The following AGRN variants were observed in gnomAD, a reference collection of about 807,000 sequenced individuals.
The protein encoded by AGRN is agrin.
In AGRN, 106 loss-of-function variants were observed where a neutral mutation model predicts 211.0. The observed-to-expected ratio is 0.50, with a 90% CI of 0.43 to 0.59. The LOEUF (loss-of-function observed/expected upper bound fraction) is 0.59. Among genes scored for constraint, AGRN ranks in the 20% least tolerant of loss-of-function variants. AGRN has a pLI of 0.00. For synonymous variants in AGRN, 1,525 were observed against 1,332.5 expected, an observed-to-expected ratio of 1.14 and a Z score of -3.15; for missense variants, 3,040 against 2,982.6, an observed-to-expected ratio of 1.02 and a Z score of -0.45.
chr1:1,033,377 G>A (rs1448642394), intron 2 of AGRN, among the ~76,000 whole-genome samples: 3 of 151,678 alleles, frequency 2.0e-5, no homozygotes, highest in Non-Finnish European at 4.4e-5. Flanking sequence ...ACGACGACGC[G>A]CACACGCGGT....
intron 12 of AGRN, 95 bp downstream of exon 12, chr1:1,044,534 C>A: frequency 7.8e-7 from 1 of 1,281,268 alleles, no homozygotes. Flanking sequence ...GCGTTGGGCC[C>A]CTGTGGACGT....
chr1:1,049,113 GGC>G lies in AGRN; in HGVS notation c.4298+56_4298+57del, dbSNP rs567082250. 0.098 allele frequency: 94,340 copies of G among 961,182 alleles called. 10,833 individuals carry two copies. The highest frequency in any genetic ancestry group is 0.35 in the African/African-American group (11,245 of 32,520). The allele number at this position is 961,182 out of a possible 1,614,324, so 59.5% of individuals were successfully genotyped here. A position where few individuals can be genotyped will look rare whatever the true frequency, so the allele number is the denominator to read the frequency against. ...AGCTCAGGTGGGCGGGGAGGGGACG[GGC>G]GGGGGAGGGGGGGCCGGGGCAGCTC... On this transcript the variant is annotated intron_variant, in intron 24 of 35. Coordinates refer to ENST00000379370, the MANE Select transcript of AGRN (RefSeq NM_198576.4).
intron 19 of AGRN, 154 bp from the exon 20 acceptor site, chr1:1,047,173 C>G (rs1038763376): frequency 2.2e-6 from 3 of 1,381,398 alleles, no homozygotes; most frequent in East Asian, 2.5e-5. Flanking sequence ...GTAACCGACA[C>G]CAGCCCCACC....
Position 1,050,415 on chromosome 1 carries a change from C to T in AGRN, c.4977-12C>T. The T allele has an allele frequency of 1.2e-6, 2 of 1,612,826 alleles. No individual in the cohort carries two copies. Among genetic ancestry groups the T allele is most frequent in the Non-Finnish European group, 1.7e-6 (2 of 1,179,866 alleles). On this transcript the variant is annotated splice_polypyrimidine_tract_variant and intron_variant, in intron 28 of 35. Coordinates refer to ENST00000379370, the MANE Select transcript of AGRN (RefSeq NM_198576.4). ...GGGACAGCAAAGACACCCCGACTCCCCATGACCCCAGGGAGAAGATGGCGC... is the reference window on the plus strand; with the variant it reads ...GGGACAGCAAAGACACCCCGACTCCTCATGACCCCAGGGAGAAGATGGCGC...
At chr1:1,023,299 G>A (rs555586654) in intron 2 of AGRN, among the ~76,000 whole-genome samples, 10 of 152,200 alleles carry the variant, frequency 6.6e-5, no homozygotes, top group Non-Finnish European at 1.3e-4. Context: ...GGGTCCTTGT[G>A]GGGTCCTGGA....
Position 1,048,690 on chromosome 1 carries a change from C to G in AGRN, c.4106-177C>G. 1.3e-6 allele frequency: 1 copy of G among 756,918 alleles called. No individual in the cohort carries two copies. Among genetic ancestry groups the G allele is most frequent in the South Asian group, 1.9e-5 (1 of 51,860 alleles). The allele number at this position is 756,918 out of a possible 1,614,324, so 46.9% of individuals were successfully genotyped here. A position where few individuals can be genotyped will look rare whatever the true frequency, so the allele number is the denominator to read the frequency against. On this transcript the variant is annotated intron_variant, in intron 23 of 35. Coordinates refer to ENST00000379370, the MANE Select transcript of AGRN (RefSeq NM_198576.4). This position sits in a 1 kb window ranked among gnomAD's most constrained non-coding sequence, Gnocchi z 5.9. ...GCTGAGGCAGGAGAATCGCTTGAACCTGGCAGGCGGAGGTTGCGGTGAGCC... is the reference window on the plus strand; with the variant it reads ...GCTGAGGCAGGAGAATCGCTTGAACGTGGCAGGCGGAGGTTGCGGTGAGCC...
At chr1:1,021,546 G>A (rs1301429760) in intron 1 of AGRN, among the ~76,000 whole-genome samples, 1 of 152,244 alleles carries the variant, frequency 6.6e-6, no homozygotes, top group Non-Finnish European at 1.5e-5. Flanking sequence ...GTTCTCAGGG[G>A]AGTGCGTGAG....
At chr1:1,052,335 T>A in intron 33 of AGRN, 2 of 347,474 alleles carry the variant, frequency 5.8e-6, no homozygotes, top group South Asian at 4.2e-5. Context: ...TGTCTATGTA[T>A]ATGGAGTGGA....
At chr1:1,052,047 C>T (rs1412246301) in intron 33 of AGRN, 4 of 1,496,038 alleles carry the variant, frequency 2.7e-6, no homozygotes, top group African/African-American at 1.4e-5. Context: ...CCCGCTCCCT[C>T]TCACTCCCAC....
In AGRN at chr1:1,041,183, C is replaced by T. The variant is rs536085218; in HGVS notation, c.738C>T (p.Asp246=). The change falls in exon 5 of 36, where the codon GAC becomes GAT. Residue 246 remains aspartate, a synonymous_variant. Coordinates refer to ENST00000379370, the MANE Select transcript of AGRN (RefSeq NM_198576.4). ...LLSRGPCGSR[D]PCSNVTCSFG... ...AAGCCCCGCCCGCAGGCTCGCGGGA[C>T]CCCTGCTCCAACGTGACCTGCAGCT... 1,509 of 1,438,034 alleles carry T rather than the reference C, an allele frequency of 1.0e-3. 28 individuals are homozygous for T. In the African/African-American group the frequency reaches 0.02, roughly 19 times the overall value. 89.1% of individuals were successfully genotyped at this position (1,438,034 alleles called of 1,614,324 possible). A position where few individuals can be genotyped will look rare whatever the true frequency, so the allele number is the denominator to read the frequency against.
In AGRN at chr1:1,048,202, C is replaced by T; in HGVS notation, c.3942C>T (p.Ala1314=). The T allele has an allele frequency of 6.4e-7, 1 of 1,561,268 alleles. No individual in the cohort carries two copies. The highest frequency in any genetic ancestry group is 1.2e-5 in the South Asian group (1 of 85,298). The part of the protein sequence containing the change: ...APTTRRPPTT[A]PSRVPGRRPP... ...CCACACGTCGGCCCCCCACCACTGC[C>T]CCCAGCCGTGTGCCCGGACGTCGGC... Residue 1314 remains alanine, a synonymous_variant, in exon 23 of 36, where the codon GCC becomes GCT. Transcript: ENST00000379370. The surrounding 1 kb of genome is among the most constrained non-coding windows in gnomAD (Gnocchi z 5.9).
At position 1,035,266 on chromosome 1, in the gene AGRN, T is replaced by C; in HGVS notation, c.464-11T>C. 1 of 1,612,968 alleles carries C rather than the reference T, an allele frequency of 6.2e-7. No homozygotes were observed. Among genetic ancestry groups the C allele is most frequent in the South Asian group, 1.1e-5 (1 of 91,084 alleles). ...CAGAGGAGCCTAACTTGGGGATTTGTTTTCTTCCAGATAAACCCGGGACCC... is the reference window on the plus strand; with the variant it reads ...CAGAGGAGCCTAACTTGGGGATTTGCTTTCTTCCAGATAAACCCGGGACCC... On this transcript the variant is annotated splice_polypyrimidine_tract_variant and intron_variant, in intron 2 of 35. Coordinates refer to ENST00000379370, the MANE Select transcript of AGRN (RefSeq NM_198576.4).
rs762749965 is a variant in AGRN at position 1,044,128 on chromosome 1, C to T, written c.2019C>T (p.Gly673=). Reference sequence around the variant, plus strand: ...CCGCAGCCGAGTGCGGTTCCGGAGGCTCTGGCTCTGGGGAGGACGGTGACT... The same window carrying T: ...CCGCAGCCGAGTGCGGTTCCGGAGGTTCTGGCTCTGGGGAGGACGGTGACT... The part of the protein sequence containing the change: ...PCEQAECGSG[G]SGSGEDGDCE... The change falls in exon 11 of 36, where the codon GGC becomes GGT. Residue 673 remains glycine, a synonymous_variant. Transcript: ENST00000379370. 2.5e-6 allele frequency: 4 copies of T among 1,613,300 alleles called. No individual in the cohort carries two copies. The highest frequency in any genetic ancestry group is 2.2e-5 in the East Asian group (1 of 44,880).
In AGRN at chr1:1,054,448, G is replaced by A; in HGVS notation, c.5877G>A (p.Arg1959=). The change falls in exon 35 of 36, where the codon AGG becomes AGA. Residue 1959 remains arginine (R), a splice_region_variant and synonymous_variant. Transcript: ENST00000379370. ...TNRWLRVVAH[R]EQREGSLQVG... Reference sequence around the variant, plus strand: ...GGTCTCCCCCTCCCTGCACACCCAGGGAGCAGAGGGAAGGTTCCCTGCAGG... The same window carrying A: ...GGTCTCCCCCTCCCTGCACACCCAGAGAGCAGAGGGAAGGTTCCCTGCAGG... 6.3e-7 allele frequency: 1 copy of A among 1,580,730 alleles called. No homozygotes were observed. The highest frequency in any genetic ancestry group is 1.7e-4 in the Middle Eastern group (1 of 5,920).
rs1011609305 is a variant in AGRN, at chr1:1,032,233, G to T, written c.464-3044G>T. ...GGCTGAGTTTGGATTTTCCTGCAGG[G>T]TTTCATTGGAACACCAGGTTCCAGG... On this transcript the variant is annotated intron_variant, in intron 2 of 35. Transcript: ENST00000379370. This position sits in a 1 kb window ranked among gnomAD's most constrained non-coding sequence, Gnocchi z 4.7. Among the ~76,000 whole-genome samples, 2 of 152,178 alleles carry T rather than the reference G, an allele frequency of 1.3e-5. No individual in the cohort carries two copies. The highest frequency in any genetic ancestry group is 4.8e-5 in the African/African-American group (2 of 41,418).
rs1644942016 is a variant in AGRN, at chr1:1,041,645, G to A, written c.1120G>A (p.Gly374Arg). Residue 374 changes from glycine (G) to arginine (R), a missense_variant, in exon 6 of 36, where the codon GGG becomes AGG. Physicochemically the swap from Gly to Arg is moderately radical, Grantham distance 125. This residue lies in a region of AGRN where 1,498 missense variants were observed against 1,457.8 expected (regional missense o/e 1.03). Transcript: ENST00000379370. ...YENDCVMGRS[G>R]AARGLLLQKV... ...AAACGACTGTGTCATGGGCCGATCGGGGGCCGCCCGGGGTCTCCTCCTGCA... is the reference window on the plus strand; with the variant it reads ...AAACGACTGTGTCATGGGCCGATCGAGGGCCGCCCGGGGTCTCCTCCTGCA... 6.2e-7 allele frequency: 1 copy of A among 1,611,244 alleles called. No homozygotes were observed. The highest frequency in any genetic ancestry group is 1.7e-4 in the Middle Eastern group (1 of 6,036).
chr1:1,051,398 G>A, intron 31 of AGRN, 29 bp downstream of exon 31: 1 of 1,505,660 alleles, frequency 6.6e-7, no homozygotes, highest in Non-Finnish European at 9.0e-7. Flanking sequence ...TCCCAGCAGG[G>A]CCTCCGGGGC....
intron 5 of AGRN, 39 bp downstream of exon 5, chr1:1,041,436 G>C: frequency 2.6e-6 from 4 of 1,552,908 alleles, no homozygotes; most frequent in Non-Finnish European, 2.6e-6. Context: ...AGCTCTGTGG[G>C]CGCGCGGCGA....
chr1:1,038,417 C>T (rs1467310155), intron 3 of AGRN, among the ~76,000 whole-genome samples: 1 of 152,252 alleles, frequency 6.6e-6, no homozygotes, highest in Non-Finnish European at 1.5e-5. Context: ...CATCCCAGAG[C>T]TTGCTCTCCA....
Sources: allele counts gnomAD v4.1 joint callset (sites outside exome capture counted in the v4.1 genomes callset), GRCh38; gene constraint gnomAD v4.1.1; regional missense constraint gnomAD v4.1.1; non-coding constraint Gnocchi (gnomAD v3.1); transcripts MANE v1.5; gene names NCBI Gene and HGNC (gene_info 2026-07-23, HGNC 2026-07-21).